The following CYTH3 variants were observed in gnomAD, a reference collection of about 807,000 sequenced individuals.
CYTH3 encodes cytohesin 3.
Under a neutral mutation model 55.1 loss-of-function variants are expected in CYTH3, and 23 were observed. The ratio of observed to expected loss-of-function variants is 0.42; its 90% CI spans 0.30 to 0.59. The LOEUF (loss-of-function observed/expected upper bound fraction) is 0.59. Among genes scored for constraint, CYTH3 ranks in the 20% least tolerant of loss-of-function variants. CYTH3 has a pLI of 0.20. For synonymous variants in CYTH3, 249 were observed against 194.9 expected (o/e 1.28, Z -2.31); for missense variants, 413 against 524.8 (o/e 0.79, Z 2.08).
chr7:6,178,041 C>A, intron 4 of CYTH3, 100 bp from the exon 5 acceptor site: 1 of 860,298 alleles, frequency 1.2e-6, no homozygotes, highest in Non-Finnish European at 1.9e-6. Flanking sequence ...CTGGTATGGA[C>A]ACAGCAAAAA....
At chr7:6,177,602 A>T (rs1348381073) in intron 5 of CYTH3, among the ~76,000 whole-genome samples, 1 of 152,270 alleles carries the variant, frequency 6.6e-6, no homozygotes, top group African/African-American at 2.4e-5. Context: ...GAGGAGTCCC[A>T]GGATCCCATA....
chr7:6,230,088 T>C (rs900491847), intron 1 of CYTH3, among the ~76,000 whole-genome samples: 1 of 151,954 alleles, frequency 6.6e-6, no homozygotes, highest in Non-Finnish European at 1.5e-5. Context: ...AAGCCAGAGA[T>C]TATGCCACTG....
intron 1 of CYTH3, among the ~76,000 whole-genome samples, chr7:6,191,182 T>G (rs1231200878): frequency 3.9e-5 from 6 of 152,078 alleles, no homozygotes; most frequent in Non-Finnish European, 1.5e-5. Context: ...GCACGGTGGC[T>G]CACGTCTCTA....
chr7:6,201,174 C>G (rs564550409), intron 1 of CYTH3, among the ~76,000 whole-genome samples: 2 of 152,192 alleles, frequency 1.3e-5, no homozygotes, highest in Non-Finnish European at 2.9e-5. Flanking sequence ...CCTCACCACT[C>G]GACAGTCGGG....
chr7:6,193,218 C>T (rs1285341276), intron 1 of CYTH3, among the ~76,000 whole-genome samples: 1 of 150,594 alleles, frequency 6.6e-6, no homozygotes, highest in Non-Finnish European at 1.5e-5. Flanking sequence ...GGCACAAGAC[C>T]AAAAAATTAA....
At chr7:6,227,143 T>A (rs1779277073) in intron 1 of CYTH3, among the ~76,000 whole-genome samples, 1 of 149,514 alleles carries the variant, frequency 6.7e-6, no homozygotes, top group African/African-American at 2.5e-5. Flanking sequence ...GACAAACCCA[T>A]GAAATGATAG....
intron 1 of CYTH3, among the ~76,000 whole-genome samples, chr7:6,214,589 A>C (rs979627958): frequency 4.6e-5 from 7 of 152,330 alleles, no homozygotes; most frequent in Admixed American, 4.6e-4. Context: ...CTGGTACCTA[A>C]GAGGGCCACA....
chr7:6,179,039 C>G (rs985056909), intron 4 of CYTH3, among the ~76,000 whole-genome samples: 1 of 152,226 alleles, frequency 6.6e-6, no homozygotes, highest in Non-Finnish European at 1.5e-5. Flanking sequence ...TACCCAAGAC[C>G]AGGGCTGCCT....
chr7:6,197,764 A>T (rs1783967850), intron 1 of CYTH3, among the ~76,000 whole-genome samples: 2 of 152,172 alleles, frequency 1.3e-5, no homozygotes, highest in African/African-American at 2.4e-5. Flanking sequence ...ACAGTCTAAG[A>T]GTTTGAATTT....
chr7:6,237,468 G>A (rs1779552699), intron 1 of CYTH3, among the ~76,000 whole-genome samples: 1 of 152,180 alleles, frequency 6.6e-6, no homozygotes, highest in Non-Finnish European at 1.5e-5. Context: ...CCAGCACTTT[G>A]GGAGGCCGAG....
At chr7:6,168,026 T>A (rs966192409) in intron 9 of CYTH3, among the ~76,000 whole-genome samples, 1 of 152,190 alleles carries the variant, frequency 6.6e-6, no homozygotes, top group Admixed American at 6.5e-5. Context: ...CTGCTCACAC[T>A]TGTTTCTGGC....
chr7:6,179,112 G>C (rs1013513411), intron 4 of CYTH3, among the ~76,000 whole-genome samples: 1 of 152,102 alleles, frequency 6.6e-6, no homozygotes, highest in African/African-American at 2.4e-5. Flanking sequence ...GTCCACAGCA[G>C]CCTTATTTCC....
chr7:6,166,095 A>C (rs1782995947), intron 9 of CYTH3, among the ~76,000 whole-genome samples: 1 of 152,088 alleles, frequency 6.6e-6, no homozygotes, highest in South Asian at 2.1e-4. Context: ...ATTTTCCCAC[A>C]TGAGATGGCA....
Position 6,186,841 on chromosome 7 carries a change from C to T in CYTH3, c.249+209G>A, listed in dbSNP as rs116073970. On this transcript the variant is annotated intron_variant, in intron 4 of 12. Transcript: ENST00000350796. ...CCAGCAGCTCACTCTGAAAGAAAGG[C>T]CTTTCTGCCCAGGGCACCAGCCCTA... Among the ~76,000 whole-genome samples the T allele has an allele frequency of 7.9e-3, 1,196 of 152,332 alleles. 17 individuals carry two copies. The highest frequency in any genetic ancestry group is 0.028 in the African/African-American group (1,151 of 41,572).
At position 6,198,945 on chromosome 7, in the gene CYTH3, C is replaced by G. The variant is rs1435644744; in HGVS notation, c.35-8414G>C. Among the ~76,000 whole-genome samples the G allele has an allele frequency of 2.6e-5, 4 of 152,180 alleles. No individual in the cohort carries two copies. In the East Asian group the frequency reaches 7.7e-4, roughly 29 times the overall value. The stretch of plus-strand genomic sequence containing the variant: ...CGTCTGATGGAGGAGGTTGGACACA[C>G]TGGTTTATTTCTAACAATGCATCAG... On this transcript the variant is annotated intron_variant, in intron 1 of 12. Coordinates refer to ENST00000350796, the MANE Select transcript of CYTH3 (RefSeq NM_004227.4).
At chr7:6,193,538 T>A (rs938811099) in intron 1 of CYTH3, among the ~76,000 whole-genome samples, 1 of 152,226 alleles carries the variant, frequency 6.6e-6, no homozygotes, top group Admixed American at 6.5e-5. Context: ...GCTGATTTAA[T>A]CCACATGGAA....
rs1783775218 is a variant in CYTH3 at position 6,190,485 on chromosome 7, A to G, written c.81T>C (p.Ile27=). Residue 27 remains isoleucine, a synonymous_variant, in exon 2 of 13, where the codon ATT becomes ATC. Coordinates refer to ENST00000350796, the MANE Select transcript of CYTH3 (RefSeq NM_004227.4). ...SLEEREELLD[I]RRRKKELIDD... ...CAATAAGTTCCTTTTTTCTTCGACG[A>G]ATGTCTAGAAGTTCTTCTCTCTCTT... 2 of 1,510,470 alleles carry G rather than the reference A, an allele frequency of 1.3e-6. No homozygotes were observed. The highest frequency in any genetic ancestry group is 1.8e-6 in the Non-Finnish European group (2 of 1,139,386). 93.6% of individuals were successfully genotyped at this position (1,510,470 alleles called of 1,614,324 possible).
At chr7:6,188,051 G>T (rs1481001559) in intron 2 of CYTH3, among the ~76,000 whole-genome samples, 2 of 152,182 alleles carry the variant, frequency 1.3e-5, no homozygotes, top group African/African-American at 4.8e-5. Context: ...ACCAAGCCAG[G>T]AGCAGTGGCT....
chr7:6,168,671 T>C (rs903432103), intron 9 of CYTH3, among the ~76,000 whole-genome samples: 1 of 152,198 alleles, frequency 6.6e-6, no homozygotes, highest in Non-Finnish European at 1.5e-5. Flanking sequence ...CAGCTCTTGG[T>C]TCCCGTGAGC....
Sources: gnomAD v4.1 joint callset for allele counts (sites outside exome capture counted in the v4.1 genomes callset) on GRCh38, gnomAD v4.1.1 for gene constraint, MANE v1.5 for transcripts, NCBI Gene and HGNC (gene_info 2026-07-23, HGNC 2026-07-21) for gene names.